Variants in FAM124A observed in about 807,000 individuals in gnomAD.
FAM124A encodes protein FAM124A.
In FAM124A, 23 loss-of-function variants were observed where a neutral mutation model predicts 24.5. That is an observed-to-expected ratio of 0.94 (90% CI 0.68 to 1.33). The LOEUF (loss-of-function observed/expected upper bound fraction) is 1.33. FAM124A is among the 40% of genes most tolerant of loss of function. The pLI is 0.00. For synonymous variants in FAM124A, 287 were observed against 314.7 expected (o/e 0.91, Z 0.93); for missense variants, 623 against 722.8 (o/e 0.86, Z 1.58).
intron 2 of FAM124A, among the ~76,000 whole-genome samples, chr13:51,243,346 A>T (rs1954520738): frequency 6.6e-6 from 1 of 152,182 alleles, no homozygotes; most frequent in Non-Finnish European, 1.5e-5. Context: ...AAGGCAGGTT[A>T]TTCATTACAT....
At chr13:51,237,432 A>G (rs1954446160) in intron 2 of FAM124A, among the ~76,000 whole-genome samples, 1 of 152,192 alleles carries the variant, frequency 6.6e-6, no homozygotes, top group Non-Finnish European at 1.5e-5. Context: ...AACTATTTCC[A>G]TTTTTATTAC....
chr13:51,241,424 T>G (rs973008676), intron 2 of FAM124A, among the ~76,000 whole-genome samples: 16 of 152,216 alleles, frequency 1.1e-4, no homozygotes, highest in Admixed American at 6.5e-5. Context: ...CTCCTCTTAC[T>G]TGGAGTCCTT....
Position 51,281,160 on chromosome 13 carries a change from C to A in FAM124A, c.1545C>A (p.Cys515Ter), listed in dbSNP as rs189898463. The A allele has an allele frequency of 3.7e-6, 6 of 1,613,884 alleles. No homozygotes were observed. In the East Asian group the frequency reaches 6.7e-5, roughly 18 times the overall value. The change falls in exon 4 of 4, where the codon TGC becomes TGA. Residue 515 changes from cysteine to a stop codon, truncating the protein, a stop_gained. Coordinates refer to ENST00000322475, the MANE Select transcript of FAM124A (RefSeq NM_001242312.2). LOFTEE classifies it low-confidence loss of function (END_TRUNC). The stretch of plus-strand genomic sequence containing the variant: ...CAGACTCCTCCCCACAGCTCCCATG[C>A]GATACCCCCAAAGTCAAGCAGACTG... ...TLTDSSPQLP[C>*]DTPKVKQTDG...
intron 2 of FAM124A, among the ~76,000 whole-genome samples, chr13:51,234,474 GT>G (rs1309020700): frequency 6.6e-6 from 1 of 152,178 alleles, no homozygotes; most frequent in Non-Finnish European, 1.5e-5. Context: ...GTGGTGAGGT[GT>G]CCTGAGTTCT....
rs1954946995 is a variant in FAM124A at position 51,282,198 on chromosome 13, TGACC to T, written c.*943_*946del. 1 of 152,242 alleles carries T rather than the reference TGACC, an allele frequency of 6.6e-6. No homozygotes were observed. Among genetic ancestry groups the T allele is most frequent in the African/African-American group, 2.4e-5 (1 of 41,456 alleles). 9.4% of individuals were successfully genotyped at this position (152,242 alleles called of 1,614,324 possible). A position where few individuals can be genotyped will look rare whatever the true frequency, so the allele number is the denominator to read the frequency against. On this transcript the variant is annotated 3_prime_UTR_variant, in exon 4 of 4. Transcript: ENST00000322475. ...CCGCACTGTATACTGCTTTCTGCAG[TGACC>T]ATGCTGGGTCACGCATCCTATGTTT... is the stretch of plus-strand genomic sequence containing the variant.
chr13:51,252,091 C>T lies in FAM124A; in HGVS notation c.724C>T (p.Arg242Ter), dbSNP rs1954630773. 3.1e-6 allele frequency: 5 copies of T among 1,614,080 alleles called. No homozygotes were observed. Among genetic ancestry groups the T allele is most frequent in the Non-Finnish European group, 4.2e-6 (5 of 1,180,038 alleles). Residue 242 changes from arginine to a stop codon, truncating the protein, a stop_gained, in exon 3 of 4, where the codon CGA (arginine) becomes TGA (stop). Coordinates refer to ENST00000322475, the MANE Select transcript of FAM124A (RefSeq NM_001242312.2). LOFTEE classifies it high-confidence loss of function. The part of the protein sequence containing the change: ...VPTDSSVLEF[R>*]VRDIGELVPL... ...CACCGACTCCTCCGTGCTGGAGTTC[C>T]GAGTGAGGGACATAGGCGAGCTCGT...
intron 2 of FAM124A, among the ~76,000 whole-genome samples, chr13:51,250,757 G>A (rs747118446): frequency 2.0e-5 from 3 of 152,182 alleles, no homozygotes; most frequent in Non-Finnish European, 2.9e-5. Context: ...ACTGTGCTTG[G>A]CTCTGGGGGT....
intron 1 of FAM124A, among the ~76,000 whole-genome samples, chr13:51,227,884 A>G (rs751709638): frequency 6.8e-4 from 103 of 152,356 alleles, no homozygotes; most frequent in Non-Finnish European, 1.4e-3. Flanking sequence ...ATAACAAAAA[A>G]TCAGGGGTCT....
intron 3 of FAM124A, among the ~76,000 whole-genome samples, chr13:51,261,123 CA>C (rs1339585099): frequency 2.0e-5 from 3 of 152,248 alleles, no homozygotes; most frequent in Middle Eastern, 3.2e-3. Context: ...GTCTGATACA[CA>C]GCAGCTACTC....
intron 3 of FAM124A, among the ~76,000 whole-genome samples, chr13:51,267,748 A>G (rs1022949688): frequency 2.0e-5 from 3 of 152,132 alleles, no homozygotes; most frequent in Admixed American, 1.3e-4. Flanking sequence ...CTGCCCTTCT[A>G]CTAATATTCA....
chr13:51,251,632 C>A lies in FAM124A; in HGVS notation c.265C>A (p.Arg89=). The change falls in exon 3 of 4, where the codon CGG becomes AGG. Residue 89 remains arginine (R), a synonymous_variant. Coordinates refer to ENST00000322475, the MANE Select transcript of FAM124A (RefSeq NM_001242312.2). The surrounding 1 kb of genome is among the most constrained non-coding windows in gnomAD (Gnocchi z 5.3). ...GGTGTCCGAGAGGCGGGCGTCCCGG[C>A]GGCGGCGGAAGCCCCCCAAGGGCGC... is the stretch of plus-strand genomic sequence containing the variant. ...FRVSERRASR[R]RRKPPKGAQP... is the part of the protein sequence containing the mutation. 1.3e-6 allele frequency: 2 copies of A among 1,560,776 alleles called. No individual in the cohort carries two copies. The highest frequency in any genetic ancestry group is 1.2e-5 in the South Asian group (1 of 82,746).
chr13:51,273,189 C>T (rs1336390714), intron 3 of FAM124A, among the ~76,000 whole-genome samples: 1 of 152,162 alleles, frequency 6.6e-6, no homozygotes, highest in Non-Finnish European at 1.5e-5. Flanking sequence ...GGGCACTTGG[C>T]ATCTCTCCTC....
At chr13:51,249,133 G>A (rs944322196) in intron 2 of FAM124A, among the ~76,000 whole-genome samples, 17 of 152,162 alleles carry the variant, frequency 1.1e-4, no homozygotes, top group East Asian at 3.9e-4. Context: ...CTATACCTTC[G>A]TAAACACTTC....
intron 3 of FAM124A, among the ~76,000 whole-genome samples, chr13:51,280,065 T>C (rs1954920222): frequency 6.6e-6 from 1 of 152,210 alleles, no homozygotes; most frequent in Non-Finnish European, 1.5e-5. Flanking sequence ...GATTCTTTGG[T>C]TGGAAGGAAA....
At chr13:51,277,246 T>C (rs1954893820) in intron 3 of FAM124A, among the ~76,000 whole-genome samples, 2 of 151,858 alleles carry the variant, frequency 1.3e-5, no homozygotes, top group Non-Finnish European at 2.9e-5. Flanking sequence ...AAATACCACA[T>C]GTTCTCATTT....
intron 2 of FAM124A, among the ~76,000 whole-genome samples, chr13:51,250,885 G>A (rs2137676453): frequency 6.6e-6 from 1 of 152,366 alleles, no homozygotes; most frequent in Non-Finnish European, 1.5e-5. Context: ...GTAAGCCCCA[G>A]GGGGCAAGCA....
chr13:51,263,013 G>C (rs1328167111), intron 3 of FAM124A, among the ~76,000 whole-genome samples: 2 of 152,220 alleles, frequency 1.3e-5, no homozygotes, highest in Non-Finnish European at 2.9e-5. Flanking sequence ...GCCCCTGCTG[G>C]GTCAGTGTAG....
intron 3 of FAM124A, among the ~76,000 whole-genome samples, chr13:51,269,446 A>G (rs1954819208): frequency 6.6e-6 from 1 of 152,236 alleles, no homozygotes; most frequent in Non-Finnish European, 1.5e-5. Context: ...GTTGAGGAAT[A>G]TGAGAGCAAA....
chr13:51,268,929 G>A (rs955712150), intron 3 of FAM124A, among the ~76,000 whole-genome samples: 2 of 152,232 alleles, frequency 1.3e-5, no homozygotes, highest in Non-Finnish European at 2.9e-5. Context: ...AGCCTCAAGA[G>A]AGATGCACAA....
Sources: allele counts gnomAD v4.1 joint callset (sites outside exome capture counted in the v4.1 genomes callset), GRCh38; gene constraint gnomAD v4.1.1; non-coding constraint Gnocchi (gnomAD v3.1); transcripts MANE v1.5; gene names NCBI Gene and HGNC (gene_info 2026-07-23, HGNC 2026-07-21).